The following FHDC1 variants were observed in gnomAD, a reference collection of about 807,000 sequenced individuals.
FHDC1 encodes FH2 domain containing 1, also known as FH2 domain-containing protein 1.
In FHDC1, 25 loss-of-function variants were observed where a neutral mutation model predicts 52.6. The observed-to-expected ratio is 0.48, with a 90% CI of 0.35 to 0.66. The LOEUF (loss-of-function observed/expected upper bound fraction) is 0.66. Among genes scored for constraint, FHDC1 ranks in the 30% least tolerant of loss-of-function variants. FHDC1 has a pLI of 0.01. For synonymous variants in FHDC1, 616 were observed against 581.5 expected, an observed-to-expected ratio of 1.06 and a Z score of -0.85; for missense variants, 1,459 against 1,452.8, an observed-to-expected ratio of 1.00 and a Z score of -0.07.
the FHDC1 span, among the ~76,000 whole-genome samples, chr4:152,930,446 T>C: frequency 6.6e-6 from 1 of 152,196 alleles, no homozygotes; most frequent in African/African-American, 2.4e-5. Context: ...TACCAGATCC[T>C]TGTTTTTCAG....
In FHDC1 at chr4:152,943,231, T is replaced by TCCC; in HGVS notation, c.176_177insCCC (p.Pro65dup). Reference sequence around the variant, plus strand: ...CAAGGGAAGAGTGTCCTTCCTCCCCTCCTCCACCCCCACCACCTCCACTTC... The same window carrying TCCC: ...CAAGGGAAGAGTGTCCTTCCTCCCCTCCCCCTCCACCCCCACCACCTCCACTTC... On this transcript the variant is annotated inframe_insertion, in exon 2 of 12. Transcript: ENST00000511601. 1 of 1,026,550 alleles carries TCCC rather than the reference T, an allele frequency of 9.7e-7. No homozygotes were observed. 63.6% of individuals were successfully genotyped at this position (1,026,550 alleles called of 1,614,324 possible).
At chr4:152,956,511 C>T (rs1228380138) in intron 4 of FHDC1, among the ~76,000 whole-genome samples, 2 of 152,104 alleles carry the variant, frequency 1.3e-5, no homozygotes, top group Admixed American at 1.3e-4. Context: ...TGTCAAACCT[C>T]ATATTTAAAA....
Position 152,974,702 on chromosome 4 carries a change from C to T in FHDC1, c.1411C>T (p.Leu471=). 1 of 1,512,418 alleles carries T rather than the reference C, an allele frequency of 6.6e-7. No homozygotes were observed. The highest frequency in any genetic ancestry group is 8.8e-7 in the Non-Finnish European group (1 of 1,130,680). 93.7% of individuals were successfully genotyped at this position (1,512,418 alleles called of 1,614,324 possible). A position where few individuals can be genotyped will look rare whatever the true frequency, so the allele number is the denominator to read the frequency against. ...CAACCACGACCGGGAGGCGCAGGAG[C>T]TGAGGCAGCTGCAGAGGCTGAAGGA... ...KDNHDREAQE[L]RQLQRLKEQE... is the part of the protein sequence containing the mutation. The change falls in exon 12 of 12, where the codon CTG becomes TTG. Residue 471 remains leucine (L), a synonymous_variant. Transcript: ENST00000511601.
chr4:152,948,911 GA>G (rs2149941749), intron 2 of FHDC1, among the ~76,000 whole-genome samples: 1 of 152,004 alleles, frequency 6.6e-6, no homozygotes, highest in Admixed American at 6.6e-5. Flanking sequence ...AATTTAGTGA[GA>G]CCCCCATCTC....
chr4:152,927,848 A>C, the FHDC1 span: 1 of 1,436,574 alleles, frequency 7.0e-7, no homozygotes, highest in Non-Finnish European at 9.8e-7. Flanking sequence ...AGTGGAAAAG[A>C]AACTGACTGT....
At chr4:152,930,873 AT>A in the FHDC1 span, among the ~76,000 whole-genome samples, 1 of 151,880 alleles carries the variant, frequency 6.6e-6, no homozygotes, top group Non-Finnish European at 1.5e-5. Flanking sequence ...GGCTTTACCA[AT>A]TGCTAAGTCA....
chr4:152,972,395 A>G lies in FHDC1; in HGVS notation c.1237A>G (p.Arg413Gly). 1 of 1,598,392 alleles carries G rather than the reference A, an allele frequency of 6.3e-7. No individual in the cohort carries two copies. Among genetic ancestry groups the G allele is most frequent in the South Asian group, 1.1e-5 (1 of 87,486 alleles). The change falls in exon 11 of 12, where the codon AGG (arginine) becomes GGG (glycine). Residue 413 changes from arginine (R) to glycine (G), a missense_variant. Around this residue, in one of 3 missense-constraint regions of FHDC1, gnomAD observed 513 missense variants for 581.5 expected, o/e 0.88. Coordinates refer to ENST00000511601, the MANE Select transcript of FHDC1 (RefSeq NM_001371116.1). ...TCCGCAGTTTGCCATAGAAAAGCTGAGGGAACTGGAATGCTGGAAACAAGA... is the reference window on the plus strand; with the variant it reads ...TCCGCAGTTTGCCATAGAAAAGCTGGGGGAACTGGAATGCTGGAAACAAGA... ...DFLQFAIEKL[R>G]ELECWKQELQ...
At position 152,976,197 on chromosome 4, in the gene FHDC1, C is replaced by T. The variant is rs1383948404; in HGVS notation, c.2906C>T (p.Pro969Leu). The T allele has an allele frequency of 1.9e-6, 3 of 1,612,696 alleles. No individual in the cohort carries two copies. Among genetic ancestry groups the T allele is most frequent in the Middle Eastern group, 1.7e-4 (1 of 6,060 alleles). Residue 969 changes from proline (P) to leucine (L), a missense_variant, in exon 12 of 12, where the codon CCG becomes CTG. Physicochemically the swap from Pro to Leu is moderately conservative, Grantham distance 98 (BLOSUM62 -3). Transcript: ENST00000511601. ...RGSSGSSSTR[P>L]GRDVPLQPRG... is the part of the protein sequence containing the mutation. ...AGCAGCGGCTCCAGCAGCACCCGTCCGGGGAGGGACGTTCCCCTGCAGCCC... is the reference window on the plus strand; with the variant it reads ...AGCAGCGGCTCCAGCAGCACCCGTCTGGGGAGGGACGTTCCCCTGCAGCCC...
At chr4:152,948,726 G>A (rs568583312) in intron 2 of FHDC1, among the ~76,000 whole-genome samples, 2 of 152,154 alleles carry the variant, frequency 1.3e-5, no homozygotes, top group South Asian at 4.1e-4. Context: ...AATGTGCTGG[G>A]ATTACAGGTG....
At chr4:152,929,633 T>C in the FHDC1 span, among the ~76,000 whole-genome samples, 3 of 152,324 alleles carry the variant, frequency 2.0e-5, no homozygotes, top group South Asian at 6.2e-4. This position sits in a 1 kb window ranked among gnomAD's most constrained non-coding sequence, Gnocchi z 4.1. Context: ...AGAGACCCCC[T>C]TTTTATGAGT....
intron 2 of FHDC1, among the ~76,000 whole-genome samples, chr4:152,945,427 A>G (rs1357615609): frequency 1.3e-5 from 2 of 152,320 alleles, no homozygotes; most frequent in Middle Eastern, 6.8e-3. Context: ...GTGAAATAAC[A>G]TATAAAATTT....
At position 152,976,653 on chromosome 4, in the gene FHDC1, G is replaced by C; in HGVS notation, c.3362G>C (p.Arg1121Thr). The C allele has an allele frequency of 6.3e-7, 1 of 1,588,812 alleles. No homozygotes were observed. Among genetic ancestry groups the C allele is most frequent in the Non-Finnish European group, 8.6e-7 (1 of 1,167,780 alleles). Residue 1121 changes from arginine to threonine, a missense_variant, in exon 12 of 12, where the codon AGG (arginine) becomes ACG (threonine). Physicochemically the swap from Arg to Thr is moderately conservative, Grantham distance 71. Coordinates refer to ENST00000511601, the MANE Select transcript of FHDC1 (RefSeq NM_001371116.1). ...APLKARGAGE[R>T]ASLRRKDSSR... is the part of the protein sequence containing the mutation. ...CTGAAGGCCAGAGGGGCTGGGGAAA[G>C]GGCCTCCCTCCGTCGGAAGGACTCC...
At chr4:152,916,119 C>T in the FHDC1 span, among the ~76,000 whole-genome samples, 2 of 139,664 alleles carry the variant, frequency 1.4e-5, no homozygotes, top group Non-Finnish European at 3.1e-5. Flanking sequence ...GGCTTGGTTT[C>T]TTCAAAAAGT....
rs1444934791 is a variant in FHDC1, at chr4:152,975,615, A to G, written c.2324A>G (p.Asp775Gly). The G allele has an allele frequency of 1.2e-6, 2 of 1,613,458 alleles. No homozygotes were observed. ...CCTAGACCTCTGTTCTGCATCTCGG[A>G]CACCACCGACTGCTCACTGACCCTG... ...KDPRPLFCIS[D>G]TTDCSLTLDC... The change falls in exon 12 of 12, where the codon GAC (aspartate) becomes GGC (glycine). Residue 775 changes from aspartate (D) to glycine (G), a missense_variant. Coordinates refer to ENST00000511601, the MANE Select transcript of FHDC1 (RefSeq NM_001371116.1).
At chr4:152,966,856 A>C (rs529495238) in intron 9 of FHDC1, among the ~76,000 whole-genome samples, 125 of 152,300 alleles carry the variant, frequency 8.2e-4, no homozygotes, top group Non-Finnish European at 1.5e-3. Context: ...GTGGTGGCTC[A>C]TGCCTGTGAT....
chr4:152,929,243 T>C, the FHDC1 span, among the ~76,000 whole-genome samples: 1 of 152,136 alleles, frequency 6.6e-6, no homozygotes, highest in South Asian at 2.1e-4. The surrounding 1 kb of genome is among the most constrained non-coding windows in gnomAD (Gnocchi z 4.1). Context: ...TGATTAACCT[T>C]TTACTAAATA....
chr4:152,976,473 C>T lies in FHDC1; in HGVS notation c.3182C>T (p.Thr1061Ile), dbSNP rs140063527. The change falls in exon 12 of 12, where the codon ACT becomes ATT. Residue 1061 changes from threonine (T) to isoleucine (I), a missense_variant. Physicochemically the swap from Thr to Ile is moderately conservative, Grantham distance 89. This residue lies in a region of FHDC1 where 939 missense variants were observed against 854.5 expected (regional missense o/e 1.10). Transcript: ENST00000511601. ...CCCGTGGCCAAAGCCCCCGGCATCA[C>T]TCGGACAGTGTCGCAGCGGCAGCTG... ...LPPVAKAPGI[T>I]RTVSQRQLRV... The T allele has an allele frequency of 2.2e-5, 36 of 1,613,516 alleles. No individual in the cohort carries two copies. The highest frequency in any genetic ancestry group is 1.3e-4 in the African/African-American group (10 of 74,934).
At chr4:152,950,333 C>T (rs1266126153) in intron 2 of FHDC1, among the ~76,000 whole-genome samples, 2 of 152,204 alleles carry the variant, frequency 1.3e-5, no homozygotes, top group East Asian at 1.9e-4. Flanking sequence ...GGATCGAATG[C>T]GATAAAGTGG....
intron 1 of FHDC1, among the ~76,000 whole-genome samples, chr4:152,937,691 G>C (rs926220277): frequency 6.6e-6 from 1 of 151,842 alleles, no homozygotes; most frequent in Non-Finnish European, 1.5e-5. Context: ...GGCGCGGCGC[G>C]TGTGGGCGTC....
Sources: gnomAD v4.1 joint callset for allele counts (sites outside exome capture counted in the v4.1 genomes callset) on GRCh38, gnomAD v4.1.1 for gene constraint, gnomAD v4.1.1 regional missense constraint, Gnocchi (gnomAD v3.1) non-coding constraint, MANE v1.5 for transcripts, NCBI Gene and HGNC (gene_info 2026-07-23, HGNC 2026-07-21) for gene names.